The following UNC5B variants were observed in gnomAD, a reference collection of about 807,000 sequenced individuals.
UNC5B encodes netrin receptor UNC5B.
Under a neutral mutation model 103.7 loss-of-function variants are expected in UNC5B, and 56 were observed. The ratio of observed to expected loss-of-function variants is 0.54; its 90% CI spans 0.44 to 0.67. The LOEUF is 0.67. Among genes scored for constraint, UNC5B ranks in the 30% least tolerant of loss-of-function variants. The pLI, the probability that UNC5B is intolerant of heterozygous loss-of-function variation, is 0.00. For missense variants in UNC5B, 1,194 were observed against 1,284.5 expected, an observed-to-expected ratio of 0.93 and a Z score of 1.08; for synonymous variants, 577 against 542.0, an observed-to-expected ratio of 1.06 and a Z score of -0.90.
At chr10:71,264,012 G>T (rs1311358299) in intron 1 of UNC5B, among the ~76,000 whole-genome samples, 1 of 152,232 alleles carries the variant, frequency 6.6e-6, no homozygotes, top group Non-Finnish European at 1.5e-5. Context: ...TGTTGAACTA[G>T]AAGAAATTGC....
chr10:71,292,129 A>T (rs762319334), intron 10 of UNC5B, among the ~76,000 whole-genome samples: 1 of 152,208 alleles, frequency 6.6e-6, no homozygotes, highest in Non-Finnish European at 1.5e-5. Context: ...ACTGTCCTGG[A>T]ACTAGCAGCA....
At chr10:71,275,830 T>C (rs1041852399) in intron 1 of UNC5B, among the ~76,000 whole-genome samples, 1 of 151,982 alleles carries the variant, frequency 6.6e-6, no homozygotes, top group Non-Finnish European at 1.5e-5. Flanking sequence ...TGTCAGACAC[T>C]GCACCAACAA....
In UNC5B at chr10:71,291,040, G is replaced by T. The variant is rs200000683; in HGVS notation, c.1225G>T (p.Asp409Tyr). The T allele has an allele frequency of 4.0e-5, 64 of 1,614,082 alleles. 1 individual carries two copies. The highest frequency in any genetic ancestry group is 1.7e-4 in the Admixed American group (10 of 60,008). ...YRRNCRDFDTDITDSSAALTG... is the reference protein window; with the variant it reads ...YRRNCRDFDTYITDSSAALTG... Reference sequence around the variant, plus strand: ...CCGCAACTGCCGTGACTTCGACACAGACATCACTGACTCATCTGCTGCCCT... The same window carrying T: ...CCGCAACTGCCGTGACTTCGACACATACATCACTGACTCATCTGCTGCCCT... Residue 409 changes from aspartate to tyrosine, a missense_variant, in exon 9 of 17, where the codon GAC becomes TAC. Physicochemically the swap from Asp to Tyr is radical, Grantham distance 160. Transcript: ENST00000335350.
At position 71,213,017 on chromosome 10, in the gene UNC5B, TG is replaced by T; in HGVS notation, c.33del (p.Leu12CysfsTer12). The T allele has an allele frequency of 7.0e-7, 1 of 1,418,548 alleles. No homozygotes were observed. Among genetic ancestry groups the T allele is most frequent in the Non-Finnish European group, 9.3e-7 (1 of 1,080,138 alleles). The allele number at this position is 1,418,548 out of a possible 1,614,324, so 87.9% of individuals were successfully genotyped here. A position where few individuals can be genotyped will look rare whatever the true frequency, so the allele number is the denominator to read the frequency against. MGARSGARGA[L>X]LLALLLCWDP... ...GCCCGGAGCGGAGCTCGGGGCGCGC[TG>T]CTGCTGGCACTGCTGCTCTGCTGGG... On this transcript the variant is annotated frameshift_variant, in exon 1 of 17. Coordinates refer to ENST00000335350, the MANE Select transcript of UNC5B (RefSeq NM_170744.5). LOFTEE classifies it high-confidence loss of function. The surrounding 1 kb of genome is among the most constrained non-coding windows in gnomAD (Gnocchi z 4.1).
At chr10:71,274,358 CAAAAA>C (rs1195363641) in intron 1 of UNC5B, among the ~76,000 whole-genome samples, 58 of 147,448 alleles carry the variant, frequency 3.9e-4, no homozygotes, top group African/African-American at 1.3e-3. Context: ...GACTCTGTCT[CAAAAA>C]AAAAAAAAAA....
At chr10:71,236,378 G>A (rs1039117167) in intron 1 of UNC5B, among the ~76,000 whole-genome samples, 5 of 152,068 alleles carry the variant, frequency 3.3e-5, no homozygotes, top group Admixed American at 6.6e-5. Flanking sequence ...TAAAACATGT[G>A]GGGGAAGGGA....
chr10:71,288,047 G>A (rs1488440108), intron 6 of UNC5B, among the ~76,000 whole-genome samples: 1 of 152,180 alleles, frequency 6.6e-6, no homozygotes, highest in Non-Finnish European at 1.5e-5. Flanking sequence ...GGTTCTCAGT[G>A]TCAGCATGTC....
rs772982653 is a variant in UNC5B at position 71,279,855 on chromosome 10, C to T, written c.114C>T (p.Ser38=). ...TDSGSEVLPD[S]FPSAPAEPLP... is the part of the protein sequence containing the mutation. ...CTGGCAGCGAGGTGCTCCCTGACTC[C>T]TTCCCGTCAGCGCCAGCAGAGCCGC... Residue 38 remains serine (S), a synonymous_variant, in exon 2 of 17, where the codon TCC becomes TCT. Transcript: ENST00000335350. 1.9e-6 allele frequency: 3 copies of T among 1,613,870 alleles called. No individual in the cohort carries two copies. The highest frequency in any genetic ancestry group is 2.5e-6 in the Non-Finnish European group (3 of 1,179,890).
chr10:71,276,561 G>A (rs1321591131), intron 1 of UNC5B, among the ~76,000 whole-genome samples: 9 of 152,226 alleles, frequency 5.9e-5, no homozygotes, highest in Non-Finnish European at 1.3e-4. Context: ...AGCCTCCCGA[G>A]TAGCTGGGAT....
chr10:71,218,621 G>A (rs1445252045), intron 1 of UNC5B, among the ~76,000 whole-genome samples: 2 of 152,216 alleles, frequency 1.3e-5, no homozygotes, highest in Non-Finnish European at 2.9e-5. Flanking sequence ...GGTTGGCAGA[G>A]ATGGACCCTA....
At chr10:71,298,518 A>C (rs1448282304) in intron 16 of UNC5B, among the ~76,000 whole-genome samples, 1 of 151,406 alleles carries the variant, frequency 6.6e-6, no homozygotes, top group Non-Finnish European at 1.5e-5. Context: ...GGAGAACCTC[A>C]AATGCTGGAT....
In UNC5B at chr10:71,224,364, G is replaced by GACGCACGCACAC. The variant is rs1197780490; in HGVS notation, c.79+11302_79+11303insGCACGCACACAC. ...CTGGTCCATCCCACTTCTGTATGTA[G>GACGCACGCACAC]ACACACACACACACACACACACACA... On this transcript the variant is annotated intron_variant, in intron 1 of 16. Coordinates refer to ENST00000335350, the MANE Select transcript of UNC5B (RefSeq NM_170744.5). Among the ~76,000 whole-genome samples, 2 of 97,350 alleles carry GACGCACGCACAC rather than the reference G, an allele frequency of 2.1e-5. 1 individual carries two copies. Among genetic ancestry groups the GACGCACGCACAC allele is most frequent in the East Asian group, 5.2e-4 (2 of 3,880 alleles). 63.9% of individuals were successfully genotyped at this position (97,350 alleles called of 152,430 possible). A position where few individuals can be genotyped will look rare whatever the true frequency, so the allele number is the denominator to read the frequency against.
intron 1 of UNC5B, among the ~76,000 whole-genome samples, chr10:71,241,786 C>T (rs950399361): frequency 1.3e-5 from 2 of 152,018 alleles, no homozygotes; most frequent in African/African-American, 4.8e-5. Flanking sequence ...CGCCCAAGGA[C>T]GCAGGATCAT....
At chr10:71,273,014 G>A (rs976769230) in intron 1 of UNC5B, among the ~76,000 whole-genome samples, 5 of 152,294 alleles carry the variant, frequency 3.3e-5, no homozygotes, top group East Asian at 1.9e-4. Flanking sequence ...TCAGCCCCCC[G>A]AGTAGCTGGG....
At chr10:71,284,024 C>T (rs1589192518) in intron 2 of UNC5B, among the ~76,000 whole-genome samples, 1 of 152,190 alleles carries the variant, frequency 6.6e-6, no homozygotes, top group Non-Finnish European at 1.5e-5. Flanking sequence ...CACATGAATG[C>T]GTCCATAAAT....
At chr10:71,235,040 C>G (rs1205930990) in intron 1 of UNC5B, among the ~76,000 whole-genome samples, 1 of 152,202 alleles carries the variant, frequency 6.6e-6, no homozygotes, top group Non-Finnish European at 1.5e-5. Flanking sequence ...CCTCCCCCGG[C>G]CTGGCTGCAA....
intron 1 of UNC5B, among the ~76,000 whole-genome samples, chr10:71,272,065 G>A (rs763049002): frequency 7.8e-4 from 118 of 152,182 alleles, no homozygotes; most frequent in Admixed American, 3.3e-4. Context: ...TCCATGTGAG[G>A]TTGTGTGTTT....
Position 71,302,598 on chromosome 10 carries a change from A to T in UNC5B, c.*3321A>T, listed in dbSNP as rs868531794. The T allele has an allele frequency of 6.6e-6, 1 of 151,280 alleles. No individual in the cohort carries two copies. The highest frequency in any genetic ancestry group is 1.9e-4 in the East Asian group (1 of 5,134). The allele number at this position is 151,280 out of a possible 1,614,324, so 9.4% of individuals were successfully genotyped here. A position where few individuals can be genotyped will look rare whatever the true frequency, so the allele number is the denominator to read the frequency against. On this transcript the variant is annotated 3_prime_UTR_variant, in exon 17 of 17. Transcript: ENST00000335350. ...CAGGGCACTCTGGTCCCTATTCCCC[A>T]GCTCCTAGGCAGCTGAGCCGGGTCC...
In UNC5B at chr10:71,258,126, A is replaced by G. The variant is rs551174202; in HGVS notation, c.80-21695A>G. ...GTTAGCCCATTTTACAGGCGGAGAAACCAAGGCCAGGGAGACAAAATCACC... is the reference window on the plus strand; with the variant it reads ...GTTAGCCCATTTTACAGGCGGAGAAGCCAAGGCCAGGGAGACAAAATCACC... On this transcript the variant is annotated intron_variant, in intron 1 of 16. Coordinates refer to ENST00000335350, the MANE Select transcript of UNC5B (RefSeq NM_170744.5). Among the ~76,000 whole-genome samples the G allele has an allele frequency of 3.9e-4, 60 of 152,292 alleles. 1 individual carries two copies. In the South Asian group the frequency reaches 0.012, roughly 32 times the overall value.
Sources: gnomAD v4.1 joint callset for allele counts (sites outside exome capture counted in the v4.1 genomes callset) on GRCh38, gnomAD v4.1.1 for gene constraint, Gnocchi (gnomAD v3.1) non-coding constraint, MANE v1.5 for transcripts, NCBI Gene and HGNC (gene_info 2026-07-23, HGNC 2026-07-21) for gene names.